The following PDE4D variants were observed in gnomAD, a reference collection of about 807,000 sequenced individuals.
PDE4D encodes 3',5'-cyclic-AMP phosphodiesterase 4D.
Under a neutral mutation model 87.4 loss-of-function variants are expected in PDE4D, and 24 were observed. The ratio of observed to expected loss-of-function variants is 0.27; its 90% confidence interval spans 0.20 to 0.39. The LOEUF (loss-of-function observed/expected upper bound fraction) is 0.39. Among genes scored for constraint, PDE4D ranks in the 10% least tolerant of loss-of-function variants. The pLI, the probability that PDE4D is intolerant of heterozygous loss-of-function variation, is 1.00. For missense variants in PDE4D, 714 were observed against 1,041.0 expected (o/e 0.69, Z 4.32); for synonymous variants, 384 against 383.2 (o/e 1.00, Z -0.02).
At position 59,186,972 on chromosome 5, in the gene PDE4D, A is replaced by G. The variant is rs1743061854; in HGVS notation, c.685-1710T>C. On this transcript the variant is annotated intron_variant, in intron 3 of 14. Transcript: ENST00000340635. ...TTAATTTATGTTTTAAGAAGTGAAT[A>G]TCAAACATACTAATGGAAACTTTAA... Among the ~76,000 whole-genome samples, 3 of 152,240 alleles carry G rather than the reference A, an allele frequency of 2.0e-5. No individual in the cohort carries two copies. In the South Asian group the frequency reaches 6.2e-4, roughly 31 times the overall value.
chr5:59,024,945 T>C (rs1415790416), intron 6 of PDE4D, among the ~76,000 whole-genome samples: 1 of 152,098 alleles, frequency 6.6e-6, no homozygotes, highest in East Asian at 1.9e-4. Context: ...AGAGGACAAG[T>C]GTTTAGTTTT....
chr5:59,692,159 A>G (rs1751057116), intron 1 of PDE4D, among the ~76,000 whole-genome samples: 1 of 152,170 alleles, frequency 6.6e-6, no homozygotes, highest in Non-Finnish European at 1.5e-5. Flanking sequence ...CCTTTGTTCC[A>G]TTTTTGAATT....
intron 1 of PDE4D, among the ~76,000 whole-genome samples, chr5:60,209,974 G>A (rs2149570125): frequency 6.6e-6 from 1 of 152,068 alleles, no homozygotes; most frequent in East Asian, 1.9e-4. Context: ...GCAGCTATAA[G>A]GCAAAATACA....
rs1337032236 is a variant in PDE4D, at chr5:59,711,841, C to CAGATAATTCTGATAA, written c.455+181326_455+181327insTTATCAGAATTATCT. On this transcript the variant is annotated intron_variant, in intron 1 of 14. Transcript: ENST00000340635. ...TATAAAGGTTATATAATGTTCAGAT[C>CAGATAATTCTGATAA]TTATTCATTAGCAACTCTCATGAAA... 2.0e-5 allele frequency among the ~76,000 whole-genome samples: 3 copies of CAGATAATTCTGATAA among 152,196 alleles called. No homozygotes were observed. The East Asian group carries it at 5.8e-4, about 29-fold the overall frequency.
chr5:59,698,623 T>C (rs1378820435), intron 1 of PDE4D, among the ~76,000 whole-genome samples: 2 of 152,154 alleles, frequency 1.3e-5, no homozygotes, highest in African/African-American at 4.8e-5. Flanking sequence ...TCTATTTATT[T>C]ATTTATTTGA....
intron 1 of PDE4D, among the ~76,000 whole-genome samples, chr5:59,742,320 T>A (rs1195532440): frequency 2.0e-5 from 3 of 152,316 alleles, no homozygotes; most frequent in South Asian, 2.1e-4. Flanking sequence ...TGCCTTGGCC[T>A]CCCAAAGTGC....
chr5:60,419,209 A>G (rs1323219555), intron 1 of PDE4D, among the ~76,000 whole-genome samples: 2 of 152,202 alleles, frequency 1.3e-5, no homozygotes, highest in Non-Finnish European at 2.9e-5. Context: ...AGCATTGTTT[A>G]TAATAACCAA....
intron 1 of PDE4D, among the ~76,000 whole-genome samples, chr5:60,416,067 ACT>A (rs1742511199): frequency 6.6e-6 from 1 of 151,900 alleles, no homozygotes; most frequent in Non-Finnish European, 1.5e-5. Context: ...ACCAATCAGC[ACT>A]CTGTGTCTAG....
At chr5:59,394,514 C>G (rs556357498) in intron 1 of PDE4D, among the ~76,000 whole-genome samples, 1 of 152,204 alleles carries the variant, frequency 6.6e-6, no homozygotes, top group African/African-American at 2.4e-5. Context: ...AGTATCAATT[C>G]CCTTAGTGAT....
chr5:60,330,314 C>A (rs893348136), intron 1 of PDE4D, among the ~76,000 whole-genome samples: 1 of 152,146 alleles, frequency 6.6e-6, no homozygotes, highest in Non-Finnish European at 1.5e-5. Context: ...AGACACAAAG[C>A]CTGTGCGCAA....
intron 2 of PDE4D, among the ~76,000 whole-genome samples, chr5:59,205,972 T>G (rs1473911691): frequency 1.3e-5 from 2 of 152,150 alleles, no homozygotes; most frequent in Non-Finnish European, 2.9e-5. Context: ...GCAGTTATTC[T>G]TTTTCTTTCT....
rs1757625301 is a variant in PDE4D at position 59,945,355 on chromosome 5, A to G, written c.272+43133T>C. On this transcript the variant is annotated intron_variant, in intron 3 of 16. Transcript: ENST00000502484. ...TGCTTTTCATGAAAAACCAGTAAAAATCTACCAGAAAAATATTGAAAACAC... is the reference window on the plus strand; with the variant it reads ...TGCTTTTCATGAAAAACCAGTAAAAGTCTACCAGAAAAATATTGAAAACAC... 4.6e-5 allele frequency among the ~76,000 whole-genome samples: 7 copies of G among 152,210 alleles called. No homozygotes were observed. The South Asian group carries it at 1.5e-3, about 32-fold the overall frequency.
intron 1 of PDE4D, among the ~76,000 whole-genome samples, chr5:59,347,721 C>T (rs1159604605): frequency 1.3e-5 from 2 of 152,068 alleles, no homozygotes; most frequent in South Asian, 2.1e-4. Context: ...CATCTTCCTC[C>T]TTGTTTTACT....
chr5:59,610,422 T>C (rs941888139), intron 1 of PDE4D, among the ~76,000 whole-genome samples: 1 of 152,216 alleles, frequency 6.6e-6, no homozygotes, highest in Non-Finnish European at 1.5e-5. Context: ...CATCACACTG[T>C]ATCATGTGGC....
At chr5:59,271,052 T>A (rs921941996) in intron 1 of PDE4D, among the ~76,000 whole-genome samples, 58 of 149,800 alleles carry the variant, frequency 3.9e-4, no homozygotes, top group Non-Finnish European at 1.0e-4. Context: ...TTTTTTTTTT[T>A]AAATTGAGAC....
chr5:59,543,888 C>G (rs1450666260), intron 1 of PDE4D, among the ~76,000 whole-genome samples: 3 of 152,136 alleles, frequency 2.0e-5, no homozygotes, highest in Non-Finnish European at 2.9e-5. Flanking sequence ...GTGGAAAAAA[C>G]AAGTTATGTG....
chr5:59,016,420 C>CAAA (rs1162312235), intron 6 of PDE4D, among the ~76,000 whole-genome samples: 1 of 118,632 alleles, frequency 8.4e-6, no homozygotes, highest in Non-Finnish European at 1.6e-5. Flanking sequence ...TTAATGTAGT[C>CAAA]CATAGGAATC....
chr5:59,579,006 C>T (rs1458197247), intron 1 of PDE4D, among the ~76,000 whole-genome samples: 2 of 152,214 alleles, frequency 1.3e-5, no homozygotes, highest in African/African-American at 4.8e-5. Flanking sequence ...GTTTGCACAA[C>T]TTTTCTCTGC....
intron 2 of PDE4D, among the ~76,000 whole-genome samples, chr5:59,208,453 A>G (rs192388317): frequency 6.6e-6 from 1 of 152,356 alleles, no homozygotes; most frequent in East Asian, 1.9e-4. Context: ...ATATTACTAC[A>G]TATAACTCAA....
Sources: gnomAD v4.1 joint callset for allele counts (sites outside exome capture counted in the v4.1 genomes callset) on GRCh38, gnomAD v4.1.1 for gene constraint, MANE v1.5 for transcripts, NCBI Gene and HGNC (gene_info 2026-07-23, HGNC 2026-07-21) for gene names.